Variants in IGF1R observed in about 807,000 individuals in gnomAD.
The protein encoded by IGF1R is insulin-like growth factor 1 receptor.
Under a neutral mutation model 144.6 loss-of-function variants are expected in IGF1R, and 44 were observed. The observed-to-expected ratio is 0.30, with a 90% CI of 0.24 to 0.39. The LOEUF is 0.39. IGF1R is among the 10% of genes least tolerant of loss of function. IGF1R has a pLI of 1.00. For missense variants in IGF1R, 1,355 were observed against 1,833.7 expected, an observed-to-expected ratio of 0.74 and a Z score of 4.77; for synonymous variants, 795 against 722.8, an observed-to-expected ratio of 1.10 and a Z score of -1.60.
At chr15:98,878,217 G>A (rs1463004571) in intron 2 of IGF1R, among the ~76,000 whole-genome samples, 2 of 152,328 alleles carry the variant, frequency 1.3e-5, no homozygotes, top group East Asian at 3.9e-4. Context: ...CCTCCACTTG[G>A]TCAAAACAGT....
At chr15:98,809,227 A>G (rs1311148052) in intron 2 of IGF1R, among the ~76,000 whole-genome samples, 2 of 152,206 alleles carry the variant, frequency 1.3e-5, no homozygotes, top group Non-Finnish European at 2.9e-5. Flanking sequence ...TATGGGTGGC[A>G]CAGAGATTTG....
At chr15:98,658,749 C>T (rs2052538719) in intron 1 of IGF1R, among the ~76,000 whole-genome samples, 1 of 152,082 alleles carries the variant, frequency 6.6e-6, no homozygotes, top group Non-Finnish European at 1.5e-5. Flanking sequence ...CCCATTACTC[C>T]TTTTGAGTTC....
intron 2 of IGF1R, among the ~76,000 whole-genome samples, chr15:98,746,482 GC>G (rs2054869672): frequency 6.6e-6 from 1 of 152,138 alleles, no homozygotes; most frequent in African/African-American, 2.4e-5. Flanking sequence ...GTGTAACTTA[GC>G]ACACCTTGTA....
chr15:98,881,973 T>C (rs180910031), intron 2 of IGF1R, among the ~76,000 whole-genome samples: 7 of 152,352 alleles, frequency 4.6e-5, no homozygotes, highest in African/African-American at 1.4e-4. Context: ...GAGATATGAA[T>C]AGTTTTTGTG....
chr15:98,831,021 A>G (rs986722896), intron 2 of IGF1R, among the ~76,000 whole-genome samples: 3 of 152,120 alleles, frequency 2.0e-5, no homozygotes, highest in Non-Finnish European at 2.9e-5. Context: ...CCTGGTAGAT[A>G]ACTAACAGAG....
At chr15:98,745,331 G>C (rs547811339) in intron 2 of IGF1R, among the ~76,000 whole-genome samples, 1 of 152,292 alleles carries the variant, frequency 6.6e-6, no homozygotes, top group South Asian at 2.1e-4. Flanking sequence ...GTCACTAGCC[G>C]CACTAAGCAC....
chr15:98,721,295 A>G (rs1433276609), intron 2 of IGF1R, among the ~76,000 whole-genome samples: 1 of 152,140 alleles, frequency 6.6e-6, no homozygotes, highest in Non-Finnish European at 1.5e-5. Flanking sequence ...GGTTCAGAGG[A>G]CCTTGTTTAC....
intron 2 of IGF1R, among the ~76,000 whole-genome samples, chr15:98,745,718 C>G (rs1237438624): frequency 6.7e-6 from 1 of 150,342 alleles, no homozygotes; most frequent in Non-Finnish European, 1.5e-5. Flanking sequence ...CTTTCCTGTT[C>G]CGAGGCTTAA....
chr15:98,884,683 CAAAA>C (rs35707888), intron 2 of IGF1R, among the ~76,000 whole-genome samples: 8 of 80,230 alleles, frequency 1.0e-4, no homozygotes, highest in East Asian at 3.8e-4. Flanking sequence ...CACTCCGTCT[CAAAA>C]AAAAAAAAAA....
intron 2 of IGF1R, among the ~76,000 whole-genome samples, chr15:98,814,332 T>C (rs185165777): frequency 2.7e-3 from 406 of 152,232 alleles, no homozygotes; most frequent in African/African-American, 7.7e-3. Context: ...TCGGTGCCCT[T>C]ATATGATTTG....
At chr15:98,752,932 ATTTTTTTTT>A (rs775327338) in intron 2 of IGF1R, among the ~76,000 whole-genome samples, 3 of 70,114 alleles carry the variant, frequency 4.3e-5, no homozygotes, top group Non-Finnish European at 8.8e-5. Flanking sequence ...AAATCATACT[ATTTTTTTTT>A]TTTTTTTTTT....
chr15:98,853,624 T>G (rs2011633672), intron 2 of IGF1R, among the ~76,000 whole-genome samples: 1 of 152,234 alleles, frequency 6.6e-6, no homozygotes, highest in South Asian at 2.1e-4. Flanking sequence ...AAAGATGATC[T>G]TGAGGGTCTG....
intron 1 of IGF1R, among the ~76,000 whole-genome samples, chr15:98,682,569 A>G (rs2053218837): frequency 6.6e-6 from 1 of 151,532 alleles, no homozygotes; most frequent in African/African-American, 2.4e-5. Flanking sequence ...TTTTTTGGAG[A>G]CAGAATCTTA....
At chr15:98,836,706 A>G (rs1208016588) in intron 2 of IGF1R, among the ~76,000 whole-genome samples, 1 of 152,044 alleles carries the variant, frequency 6.6e-6, no homozygotes, top group Non-Finnish European at 1.5e-5. Context: ...AACATCCTTC[A>G]TTGTGTTTAC....
chr15:98,930,102 C>T, intron 14 of IGF1R, 133 bp from the exon 15 acceptor site: 1 of 733,388 alleles, frequency 1.4e-6, no homozygotes, highest in Non-Finnish European at 2.4e-6. Context: ...CTGCTGTAGA[C>T]AGTAAGCTCT....
intron 2 of IGF1R, among the ~76,000 whole-genome samples, chr15:98,835,919 G>A (rs1247408484): frequency 1.3e-5 from 2 of 152,192 alleles, no homozygotes; most frequent in Non-Finnish European, 2.9e-5. Flanking sequence ...GGAAGGTGTT[G>A]GGGGTACAGG....
intron 19 of IGF1R, among the ~76,000 whole-genome samples, chr15:98,947,138 T>C (rs906033553): frequency 6.6e-6 from 1 of 152,208 alleles, no homozygotes; most frequent in South Asian, 2.1e-4. Flanking sequence ...ACTGCACTTT[T>C]GGCCTCTGGG....
chr15:98,783,412 C>T (rs1184841568), intron 2 of IGF1R, among the ~76,000 whole-genome samples: 1 of 152,078 alleles, frequency 6.6e-6, no homozygotes, highest in Admixed American at 6.5e-5. Flanking sequence ...TAGTATGTAA[C>T]CTTTTGGAAC....
chr15:98,952,616 T>A (rs555510084), intron 20 of IGF1R, among the ~76,000 whole-genome samples: 79 of 152,266 alleles, frequency 5.2e-4, no homozygotes, highest in Middle Eastern at 6.8e-3. Flanking sequence ...GTGCTTTCTC[T>A]TTGACTCGGG....
Sources: gnomAD v4.1 joint callset for allele counts (sites outside exome capture counted in the v4.1 genomes callset) on GRCh38, gnomAD v4.1.1 for gene constraint, MANE v1.5 for transcripts, NCBI Gene and HGNC (gene_info 2026-07-23, HGNC 2026-07-21) for gene names.